The following CSMD2 variants were observed in gnomAD, a reference collection of about 807,000 sequenced individuals.
The protein encoded by CSMD2 is CUB and Sushi multiple domains 2, also known as CUB and sushi domain-containing protein 2.
A neutral mutation model predicts 398.5 loss-of-function variants in CSMD2; 130 were observed. The ratio of observed to expected loss-of-function variants is 0.33; its 90% confidence interval spans 0.28 to 0.38. The LOEUF (loss-of-function observed/expected upper bound fraction) is 0.38, where lower values mean the gene tolerates loss of function less well. Among genes scored for constraint, CSMD2 ranks in the 10% least tolerant of loss-of-function variants. The pLI is 1.00. For synonymous variants in CSMD2, 1,828 were observed against 1,908.5 expected (o/e 0.96, Z 1.10); for missense variants, 3,829 against 4,764.9 (o/e 0.80, Z 5.78).
intron 25 of CSMD2, among the ~76,000 whole-genome samples, chr1:33,668,308 G>A (rs886238373): frequency 7.9e-5 from 12 of 152,150 alleles, no homozygotes; most frequent in Non-Finnish European, 1.3e-4. Context: ...GCTCTGACAG[G>A]TTCCGATTTA....
At chr1:33,642,346 CAAAAA>C (rs71029013) in intron 29 of CSMD2, among the ~76,000 whole-genome samples, 4 of 83,732 alleles carry the variant, frequency 4.8e-5, no homozygotes, top group Non-Finnish European at 4.8e-5. Flanking sequence ...CACTCTGTCT[CAAAAA>C]AAAAAAAAAA....
intron 1 of CSMD2, among the ~76,000 whole-genome samples, chr1:34,127,895 G>GGAA (rs1662907039): frequency 1.3e-5 from 2 of 152,018 alleles, no homozygotes; most frequent in Non-Finnish European, 2.9e-5. Flanking sequence ...GGGCTGCTCT[G>GGAA]AGAGGAGTTG....
chr1:33,581,529 CAAAA>C lies in CSMD2; in HGVS notation c.7241-634_7241-631del, dbSNP rs59068586. On this transcript the variant is annotated intron_variant, in intron 47 of 70. Transcript: ENST00000373381. ...TGGGTGACAGAGAAAGACTCAGTCT[CAAAA>C]AAAAAAAAAAAAAAAAAAAAAGAAA... 7.1e-4 allele frequency among the ~76,000 whole-genome samples: 26 copies of C among 36,878 alleles called. No homozygotes were observed. The East Asian group carries it at 0.032, about 46-fold the overall frequency. The allele number at this position is 36,878 out of a possible 152,430, so 24.2% of individuals were successfully genotyped here.
At chr1:33,706,092 G>A (rs756082985) in intron 22 of CSMD2, among the ~76,000 whole-genome samples, 5 of 151,852 alleles carry the variant, frequency 3.3e-5, no homozygotes, top group African/African-American at 7.3e-5. Context: ...TTTATTTATC[G>A]TTAAGTTAGG....
chr1:33,920,039 G>T (rs555991354), intron 4 of CSMD2, among the ~76,000 whole-genome samples: 7 of 152,188 alleles, frequency 4.6e-5, no homozygotes, highest in Non-Finnish European at 1.0e-4. Context: ...GCTATCTGGT[G>T]TTGGGAGTGG....
At position 33,571,499 on chromosome 1, in the gene CSMD2, C is replaced by T. The variant is rs375524120; in HGVS notation, c.7957+33G>A. The T allele has an allele frequency of 2.8e-5, 39 of 1,388,302 alleles. No individual in the cohort carries two copies. In the African/African-American group the frequency reaches 5.0e-4, roughly 18 times the overall value. 86.0% of individuals were successfully genotyped at this position (1,388,302 alleles called of 1,614,324 possible). ...GACAGCTTAGGTAGGAGGGACCCTG[C>T]TAAACTTGCCCACCCTCCCTTCCTG... On this transcript the variant is annotated intron_variant, in intron 51 of 70. Coordinates refer to ENST00000373381, the MANE Select transcript of CSMD2 (RefSeq NM_001281956.2).
At chr1:33,731,110 A>T (rs1404641266) in intron 15 of CSMD2, among the ~76,000 whole-genome samples, 1 of 152,236 alleles carries the variant, frequency 6.6e-6, no homozygotes, top group East Asian at 1.9e-4. Context: ...AGTAGATTTA[A>T]ATACATAAAG....
At chr1:33,835,944 T>A (rs1660203626) in intron 6 of CSMD2, among the ~76,000 whole-genome samples, 1 of 152,152 alleles carries the variant, frequency 6.6e-6, no homozygotes, top group Non-Finnish European at 1.5e-5. Context: ...GAGCTCTGAT[T>A]TTTAGAATTT....
At chr1:34,123,347 G>T (rs1389428499) in intron 1 of CSMD2, among the ~76,000 whole-genome samples, 1 of 152,174 alleles carries the variant, frequency 6.6e-6, no homozygotes, top group Non-Finnish European at 1.5e-5. Context: ...ATTCCTGGAG[G>T]TTTGTGTGCC....
At chr1:34,023,956 C>T (rs1046757624) in intron 3 of CSMD2, among the ~76,000 whole-genome samples, 7 of 148,706 alleles carry the variant, frequency 4.7e-5, no homozygotes, top group African/African-American at 7.4e-5. Flanking sequence ...GCACTTGTCA[C>T]GCACTGACTC....
chr1:33,743,777 G>A (rs1290117031), intron 13 of CSMD2, among the ~76,000 whole-genome samples, 171 bp from the exon 14 acceptor site: 1 of 152,198 alleles, frequency 6.6e-6, no homozygotes, highest in East Asian at 1.9e-4. Context: ...GAGACATGCT[G>A]GGCTCCATGC....
At chr1:33,792,398 A>T in intron 11 of CSMD2, 25 bp downstream of exon 11, 1 of 1,572,244 alleles carries the variant, frequency 6.4e-7, no homozygotes, top group Non-Finnish European at 8.8e-7. Flanking sequence ...CCCACCTTCC[A>T]AACAACATGC....
intron 13 of CSMD2, among the ~76,000 whole-genome samples, chr1:33,745,836 G>A (rs1647305834): frequency 6.6e-6 from 1 of 152,116 alleles, no homozygotes; most frequent in Non-Finnish European, 1.5e-5. Context: ...ATATTATTGA[G>A]GGTTTAACTA....
At chr1:33,951,902 G>A (rs980048639) in intron 3 of CSMD2, among the ~76,000 whole-genome samples, 1 of 152,156 alleles carries the variant, frequency 6.6e-6, no homozygotes, top group Non-Finnish European at 1.5e-5. Context: ...TGCAGTTGCT[G>A]GCCCCACCTC....
At chr1:33,740,575 G>A (rs1250340251) in intron 14 of CSMD2, among the ~76,000 whole-genome samples, 2 of 152,190 alleles carry the variant, frequency 1.3e-5, no homozygotes, top group African/African-American at 2.4e-5. Flanking sequence ...TGACTGTGAT[G>A]ATCCCATGCA....
At position 33,592,417 on chromosome 1, in the gene CSMD2, C is replaced by T. The variant is rs1317835941; in HGVS notation, c.6857-5249G>A. 5.6e-6 allele frequency: 4 copies of T among 716,044 alleles called. No homozygotes were observed. In the South Asian group the frequency reaches 5.9e-5, roughly 11 times the overall value. 44.4% of individuals were successfully genotyped at this position (716,044 alleles called of 1,614,324 possible). Reference sequence around the variant, plus strand: ...GTCAGCTCAGGTGTCCACCTCTGGTCCAAGCTTCTGTGGCTGGGGGGCAGA... The same window carrying T: ...GTCAGCTCAGGTGTCCACCTCTGGTTCAAGCTTCTGTGGCTGGGGGGCAGA... On this transcript the variant is annotated intron_variant, in intron 44 of 70. Transcript: ENST00000373381.
At chr1:33,963,994 G>A (rs1302706135) in intron 3 of CSMD2, among the ~76,000 whole-genome samples, 1 of 152,332 alleles carries the variant, frequency 6.6e-6, no homozygotes, top group Non-Finnish European at 1.5e-5. Context: ...AGCTGCCAAG[G>A]TGTTTGTCCA....
At chr1:33,652,069 TAG>T (rs1200699693) in intron 28 of CSMD2, among the ~76,000 whole-genome samples, 1 of 152,022 alleles carries the variant, frequency 6.6e-6, no homozygotes, top group Non-Finnish European at 1.5e-5. Flanking sequence ...TCTTCAGAGG[TAG>T]AGAGGAAATA....
At chr1:33,623,551 G>A (rs545415332) in intron 35 of CSMD2, 85 bp from the exon 36 acceptor site, 20 of 930,150 alleles carry the variant, frequency 2.2e-5, no homozygotes, top group Non-Finnish European at 3.3e-5. Context: ...CCTTCCCGTA[G>A]TTAATTCAAT....
Sources: allele counts gnomAD v4.1 joint callset (sites outside exome capture counted in the v4.1 genomes callset), GRCh38; gene constraint gnomAD v4.1.1; transcripts MANE v1.5; gene names NCBI Gene and HGNC (gene_info 2026-07-23, HGNC 2026-07-21).